Variants in SIK3 observed in about 807,000 individuals in gnomAD.
The protein encoded by SIK3 is SIK family kinase 3, also known as serine/threonine-protein kinase SIK3.
In SIK3, 28 loss-of-function variants were observed where a neutral mutation model predicts 144.2. The ratio of observed to expected loss-of-function variants is 0.19; its 90% CI spans 0.14 to 0.27. The LOEUF is 0.27. SIK3 is among the 10% of genes least tolerant of loss of function. SIK3 has a pLI of 1.00. For missense variants in SIK3, 1,319 were observed against 1,776.0 expected (o/e 0.74, Z 4.62); for synonymous variants, 686 against 676.3 (o/e 1.01, Z -0.22).
rs767802127 is a variant in SIK3 at position 117,086,930 on chromosome 11, G to GTGC, written c.273+11212_273+11213insGCA. ...GAATCACTTGAACCGGAGAGGCAGA[G>GTGC]GTTGCAGTGAGCCAAGATCACGCCA... On this transcript the variant is annotated intron_variant, in intron 1 of 24. Coordinates refer to ENST00000445177, the MANE Select transcript of SIK3 (RefSeq NM_001366686.3). 1.2e-3 allele frequency among the ~76,000 whole-genome samples: 188 copies of GTGC among 151,180 alleles called. 1 individual carries two copies. The highest frequency in any genetic ancestry group is 1.1e-3 in the Non-Finnish European group (76 of 67,926).
chr11:117,013,905 GGGGGGGGA>G (rs1462316065), intron 1 of SIK3, among the ~76,000 whole-genome samples: 1 of 47,244 alleles, frequency 2.1e-5, no homozygotes, highest in African/African-American at 6.7e-5. Flanking sequence ...TCTGAGGGGG[GGGGGGGGA>G]GGGTGTGTGT....
chr11:117,080,818 C>T (rs962804368), intron 1 of SIK3, among the ~76,000 whole-genome samples: 3 of 151,862 alleles, frequency 2.0e-5, no homozygotes, highest in African/African-American at 4.8e-5. Context: ...TGTGGTGGCG[C>T]GCACCTGTAA....
intron 3 of SIK3, among the ~76,000 whole-genome samples, chr11:116,943,570 C>A (rs957084213): frequency 6.6e-6 from 1 of 152,218 alleles, no homozygotes; most frequent in Non-Finnish European, 1.5e-5. Flanking sequence ...CCTTCACATT[C>A]ATCAAAGACA....
intron 1 of SIK3, among the ~76,000 whole-genome samples, chr11:117,040,576 A>T (rs1952695123): frequency 6.6e-6 from 1 of 152,224 alleles, no homozygotes; most frequent in South Asian, 2.1e-4. Context: ...TTCTAGCTAA[A>T]GATATCAGGG....
chr11:116,876,692 G>C (rs1944276141), intron 7 of SIK3, among the ~76,000 whole-genome samples: 1 of 152,218 alleles, frequency 6.6e-6, no homozygotes, highest in Non-Finnish European at 1.5e-5. Flanking sequence ...TATCTCAAAA[G>C]CCAAAAACAG....
At chr11:116,877,464 C>A (rs989814915) in intron 6 of SIK3, among the ~76,000 whole-genome samples, 2 of 152,192 alleles carry the variant, frequency 1.3e-5, no homozygotes, top group African/African-American at 4.8e-5. Flanking sequence ...CATACTAATG[C>A]TTTTGGCTTA....
chr11:116,961,384 G>A (rs1266075805), intron 1 of SIK3, among the ~76,000 whole-genome samples: 2 of 152,212 alleles, frequency 1.3e-5, no homozygotes, highest in Admixed American at 1.3e-4. Context: ...TCAGACAGCA[G>A]GTGGCTGGCA....
Position 117,013,905 on chromosome 11 carries a change from GGGGGGGGAGGGTGTGTGT to G in SIK3, c.274-56859_274-56842del, listed in dbSNP as rs1245647484. The stretch of plus-strand genomic sequence containing the variant: ...TATAAGTCTCCAGATTCTGAGGGGG[GGGGGGGGAGGGTGTGTGT>G]GTGTGTGTGTGTGTGTGTGTGTGTG... On this transcript the variant is annotated intron_variant, in intron 1 of 24. Coordinates refer to ENST00000445177, the MANE Select transcript of SIK3 (RefSeq NM_001366686.3). 1.2e-3 allele frequency among the ~76,000 whole-genome samples: 58 copies of G among 47,316 alleles called. 6 individuals are homozygous for G. The highest frequency in any genetic ancestry group is 3.2e-3 in the African/African-American group (48 of 14,984). The allele number at this position is 47,316 out of a possible 152,430, so 31.0% of individuals were successfully genotyped here. A position where few individuals can be genotyped will look rare whatever the true frequency, so the allele number is the denominator to read the frequency against.
At chr11:117,084,556 G>C (rs1374084800) in intron 1 of SIK3, among the ~76,000 whole-genome samples, 1 of 152,094 alleles carries the variant, frequency 6.6e-6, no homozygotes, top group Non-Finnish European at 1.5e-5. Flanking sequence ...ATGAGCCACC[G>C]CGCCGGGCCC....
chr11:116,938,913 A>G (rs1268311466), intron 3 of SIK3, among the ~76,000 whole-genome samples: 1 of 152,158 alleles, frequency 6.6e-6, no homozygotes, highest in Non-Finnish European at 1.5e-5. Context: ...CCATAATTGC[A>G]TAATTATGTT....
chr11:117,013,967 C>CTTTTCTTTTTTTTTT (rs1951407784), intron 1 of SIK3, among the ~76,000 whole-genome samples: 1 of 7,374 alleles, frequency 1.4e-4, no homozygotes, highest in Non-Finnish European at 3.3e-4. Context: ...TTCTTTTTTT[C>CTTTTCTTTTTTTTTT]TTTTCTTTTT....
intron 1 of SIK3, among the ~76,000 whole-genome samples, chr11:117,006,500 G>A (rs1951052206): frequency 6.6e-6 from 1 of 152,076 alleles, no homozygotes; most frequent in Admixed American, 6.6e-5. Context: ...TGGTGAGGGA[G>A]ATCAGAAACT....
rs1030988660 is a variant in SIK3 at position 116,971,109 on chromosome 11, C to T, written c.274-14045G>A. 5.3e-5 allele frequency among the ~76,000 whole-genome samples: 8 copies of T among 152,206 alleles called. No homozygotes were observed. In the South Asian group the frequency reaches 6.2e-4, roughly 12 times the overall value. ...AACACCACTGTTTGCCCAGAAAAGC[C>T]TTGGCATTTGCTAATATTTTCACTA... is the stretch of plus-strand genomic sequence containing the variant. On this transcript the variant is annotated intron_variant, in intron 1 of 24. Coordinates refer to ENST00000445177, the MANE Select transcript of SIK3 (RefSeq NM_001366686.3).
chr11:117,070,983 C>T (rs992417777), intron 1 of SIK3, among the ~76,000 whole-genome samples: 1 of 151,992 alleles, frequency 6.6e-6, no homozygotes, highest in Non-Finnish European at 1.5e-5. Flanking sequence ...CCCACGTCGG[C>T]CTCCCAAAGT....
chr11:116,997,448 T>C (rs1202785718), intron 1 of SIK3, among the ~76,000 whole-genome samples: 1 of 152,246 alleles, frequency 6.6e-6, no homozygotes, highest in East Asian at 1.9e-4. Flanking sequence ...CCGTATTCTA[T>C]ATCAAAACAC....
Position 116,950,126 on chromosome 11 carries a change from G to A in SIK3, c.454+3918C>T, listed in dbSNP as rs747204130. On this transcript the variant is annotated intron_variant, in intron 3 of 24. Coordinates refer to ENST00000445177, the MANE Select transcript of SIK3 (RefSeq NM_001366686.3). Reference sequence around the variant, plus strand: ...GAGTGATCTGGGTCCTAGTATTCTCGGCATACCTGATCAAGTTCCACAAGT... The same window carrying A: ...GAGTGATCTGGGTCCTAGTATTCTCAGCATACCTGATCAAGTTCCACAAGT... The A allele has an allele frequency of 6.5e-4, 306 of 470,678 alleles. 1 individual carries two copies. The highest frequency in any genetic ancestry group is 9.9e-4 in the Non-Finnish European group (224 of 226,996). 29.2% of individuals were successfully genotyped at this position (470,678 alleles called of 1,614,324 possible). A position where few individuals can be genotyped will look rare whatever the true frequency, so the allele number is the denominator to read the frequency against.
intron 1 of SIK3, among the ~76,000 whole-genome samples, chr11:116,994,797 T>TAC (rs1349445142): frequency 6.6e-6 from 1 of 152,178 alleles, no homozygotes; most frequent in Non-Finnish European, 1.5e-5. Context: ...ACGCTACCTA[T>TAC]ACAATTATTA....
In SIK3 at chr11:116,845,364, AC is replaced by A. The variant is rs1378396224; in HGVS notation, c.*278del. Reference sequence around the variant, plus strand: ...AACAAAACACAAACCCCCAAACAAAACAAAAAACCACCAACTCAAATATACT... The same window carrying A: ...AACAAAACACAAACCCCCAAACAAAAAAAAAACCACCAACTCAAATATACT... On this transcript the variant is annotated 3_prime_UTR_variant, in exon 25 of 25. Transcript: ENST00000445177. 6.6e-6 allele frequency: 1 copy of A among 152,260 alleles called. No homozygotes were observed. The highest frequency in any genetic ancestry group is 2.4e-5 in the African/African-American group (1 of 41,466). 9.4% of individuals were successfully genotyped at this position (152,260 alleles called of 1,614,324 possible).
intron 1 of SIK3, among the ~76,000 whole-genome samples, chr11:117,021,910 A>G (rs75949389): frequency 0.015 from 2,033 of 134,818 alleles, 59 homozygotes; most frequent in East Asian, 0.095. Flanking sequence ...TGGATAGCAC[A>G]GTGAGCCTCT....
Sources: allele counts gnomAD v4.1 joint callset (sites outside exome capture counted in the v4.1 genomes callset), GRCh38; gene constraint gnomAD v4.1.1; transcripts MANE v1.5; gene names NCBI Gene and HGNC (gene_info 2026-07-23, HGNC 2026-07-21).